The following SYK variants were observed in gnomAD, a reference collection of about 807,000 sequenced individuals.
The protein encoded by SYK is spleen associated tyrosine kinase, also known as tyrosine-protein kinase SYK.
A neutral mutation model predicts 77.8 loss-of-function variants in SYK; 16 were observed. The observed-to-expected ratio is 0.21, with a 90% CI of 0.14 to 0.31. The LOEUF is 0.31. Among genes scored for constraint, SYK ranks in the 10% least tolerant of loss-of-function variants. SYK has a pLI of 1.00. For missense variants in SYK, 529 were observed against 814.4 expected (o/e 0.65, Z 4.26); for synonymous variants, 312 against 308.7 (o/e 1.01, Z -0.11).
At chr9:90,806,367 AGGATATTTGGT>A (rs891987295) in intron 1 of SYK, among the ~76,000 whole-genome samples, 6 of 151,416 alleles carry the variant, frequency 4.0e-5, no homozygotes, top group Admixed American at 1.3e-4. Context: ...GAATGTTTGG[AGGATATTTGGT>A]GTGGGACTTT....
intron 1 of SYK, among the ~76,000 whole-genome samples, chr9:90,822,194 T>G (rs1825542426): frequency 1.3e-5 from 2 of 152,324 alleles, no homozygotes; most frequent in Admixed American, 1.3e-4. Context: ...TAAAAGCAAG[T>G]TAAATTTTAC....
At chr9:90,828,050 T>G (rs1825718394) in intron 1 of SYK, among the ~76,000 whole-genome samples, 1 of 152,184 alleles carries the variant, frequency 6.6e-6, no homozygotes, top group Non-Finnish European at 1.5e-5. Flanking sequence ...TCCTTTTTGC[T>G]TAAGTCAGGT....
intron 1 of SYK, among the ~76,000 whole-genome samples, chr9:90,805,226 G>T (rs1421189770): frequency 6.6e-6 from 1 of 152,194 alleles, no homozygotes; most frequent in Non-Finnish European, 1.5e-5. Context: ...GATGATTACT[G>T]GATTACTGAG....
chr9:90,855,160 T>C (rs1384688470), intron 3 of SYK, among the ~76,000 whole-genome samples: 2 of 152,220 alleles, frequency 1.3e-5, no homozygotes, highest in African/African-American at 2.4e-5. Flanking sequence ...CCTGGTCATA[T>C]AGAATACTGA....
Position 90,878,792 on chromosome 9 carries a change from C to T in SYK, c.1420C>T (p.Leu474=), listed in dbSNP as rs1828038867. Residue 474 remains leucine (L), a synonymous_variant, in exon 11 of 14, where the codon CTG becomes TTG. Transcript: ENST00000375754. ...RHVKDKNIIE[L]VHQVSMGMKY... is the part of the protein sequence containing the mutation. ...TGTCAAGGATAAGAACATCATAGAA[C>T]TGGTTCATCAGGTTTCCATGGGCAT... 1 of 1,613,380 alleles carries T rather than the reference C, an allele frequency of 6.2e-7. No homozygotes were observed. Among genetic ancestry groups the T allele is most frequent in the Non-Finnish European group, 8.5e-7 (1 of 1,179,488 alleles).
chr9:90,884,969 A>G (rs997670048), intron 11 of SYK, among the ~76,000 whole-genome samples: 57 of 102,030 alleles, frequency 5.6e-4, no homozygotes, highest in African/African-American at 6.1e-4. Flanking sequence ...ATATGTGTAT[A>G]TATATATATA....
chr9:90,841,858 A>C (rs1418769903), intron 1 of SYK, among the ~76,000 whole-genome samples: 1 of 79,010 alleles, frequency 1.3e-5, no homozygotes, highest in Non-Finnish European at 2.7e-5. Flanking sequence ...GCAGTGTGTT[A>C]TGTGTGTTGT....
rs929609351 is a variant in SYK, at chr9:90,896,204, A to T, written c.*604A>T. On this transcript the variant is annotated 3_prime_UTR_variant, in exon 14 of 14. Coordinates refer to ENST00000375754, the MANE Select transcript of SYK (RefSeq NM_003177.7). ...TAGCCAGTTAAGGAAAGAAAGAAAGAAAAAAAAAAAAGGCCTGGATACTGC... is the reference window on the plus strand; with the variant it reads ...TAGCCAGTTAAGGAAAGAAAGAAAGTAAAAAAAAAAAGGCCTGGATACTGC... 3 of 166,758 alleles carry T rather than the reference A, an allele frequency of 1.8e-5. No homozygotes were observed. Among genetic ancestry groups the T allele is most frequent in the Non-Finnish European group, 3.7e-5 (3 of 80,410 alleles). 10.3% of individuals were successfully genotyped at this position (166,758 alleles called of 1,614,324 possible).
chr9:90,814,633 C>T (rs1234669241), intron 1 of SYK, among the ~76,000 whole-genome samples: 2 of 152,166 alleles, frequency 1.3e-5, no homozygotes, highest in African/African-American at 4.8e-5. Context: ...TGCCTAAGTG[C>T]ACGGTAACAC....
intron 5 of SYK, 125 bp from the exon 6 acceptor site, chr9:90,864,923 G>A: frequency 1.0e-6 from 1 of 956,110 alleles, no homozygotes. Context: ...AGAAGTACCT[G>A]CAGAAAGCGT....
chr9:90,881,957 C>T (rs1828176792), intron 11 of SYK, among the ~76,000 whole-genome samples: 1 of 152,186 alleles, frequency 6.6e-6, no homozygotes, highest in South Asian at 2.1e-4. Context: ...AGCAGATTCA[C>T]AGGAAGCTCA....
Position 90,898,384 on chromosome 9 carries a change from T to C in SYK, c.*2784T>C. 1 of 227,870 alleles carries C rather than the reference T, an allele frequency of 4.4e-6. No individual in the cohort carries two copies. Among genetic ancestry groups the C allele is most frequent in the East Asian group, 6.3e-5 (1 of 15,954 alleles). 14.1% of individuals were successfully genotyped at this position (227,870 alleles called of 1,614,324 possible). The stretch of plus-strand genomic sequence containing the variant: ...TCCAATGACTGCAAGTCGGCCTGGA[T>C]TTTCACTTGCAGAGGCTACAGCTGC... On this transcript the variant is annotated 3_prime_UTR_variant, in exon 14 of 14. Transcript: ENST00000375754.
intron 3 of SYK, among the ~76,000 whole-genome samples, chr9:90,853,521 C>T (rs1203372613): frequency 6.6e-6 from 1 of 152,058 alleles, no homozygotes; most frequent in Non-Finnish European, 1.5e-5. Flanking sequence ...CACATATACA[C>T]CATGGAATAC....
intron 1 of SYK, among the ~76,000 whole-genome samples, chr9:90,817,148 A>G (rs1044599954): frequency 2.6e-5 from 4 of 152,204 alleles, no homozygotes; most frequent in Admixed American, 2.6e-4. Context: ...GTGTGGCTCA[A>G]GACAATTCTT....
At chr9:90,825,932 C>T (rs924869306) in intron 1 of SYK, among the ~76,000 whole-genome samples, 9 of 152,178 alleles carry the variant, frequency 5.9e-5, no homozygotes, top group Non-Finnish European at 7.4e-5. Flanking sequence ...GGTTCTCAAA[C>T]TTGAGCCTTT....
chr9:90,803,356 AAG>A (rs1401076878), intron 1 of SYK, among the ~76,000 whole-genome samples: 17 of 152,102 alleles, frequency 1.1e-4, no homozygotes, highest in Non-Finnish European at 2.5e-4. Flanking sequence ...ACTAGGAAAA[AAG>A]AGATTTTTCT....
chr9:90,840,680 T>A (rs1826272650), intron 1 of SYK, among the ~76,000 whole-genome samples: 1 of 151,868 alleles, frequency 6.6e-6, no homozygotes, highest in African/African-American at 2.4e-5. Flanking sequence ...ATTCTTAGAC[T>A]CAAAAGTAAA....
At position 90,851,509 on chromosome 9, in the gene SYK, G is replaced by C. The variant is rs114908134; in HGVS notation, c.578+5915G>C. On this transcript the variant is annotated intron_variant, in intron 3 of 13. Coordinates refer to ENST00000375754, the MANE Select transcript of SYK (RefSeq NM_003177.7). The stretch of plus-strand genomic sequence containing the variant: ...AGGTGATGTTCATCACCTGGCCTTT[G>C]CTATATAAGCACTGCCCTTGTCTGG... Among the ~76,000 whole-genome samples the C allele has an allele frequency of 2.1e-3, 327 of 152,290 alleles. 2 individuals carry two copies. The highest frequency in any genetic ancestry group is 7.8e-3 in the African/African-American group (325 of 41,550).
At chr9:90,816,393 C>A (rs921601820) in intron 1 of SYK, among the ~76,000 whole-genome samples, 2 of 152,166 alleles carry the variant, frequency 1.3e-5, no homozygotes, top group African/African-American at 4.8e-5. Flanking sequence ...CACTGCCAGC[C>A]CTGAGTCTAG....
Sources: allele counts gnomAD v4.1 joint callset (sites outside exome capture counted in the v4.1 genomes callset), GRCh38; gene constraint gnomAD v4.1.1; transcripts MANE v1.5; gene names NCBI Gene and HGNC (gene_info 2026-07-23, HGNC 2026-07-21).